Variants in PCDHA2 observed in about 807,000 individuals in gnomAD.
PCDHA2 encodes the protein protocadherin alpha 2.
Under a neutral mutation model 66.0 loss-of-function variants are expected in PCDHA2, and 58 were observed. That is an observed-to-expected ratio of 0.88 (90% CI 0.71 to 1.09). The LOEUF is 1.09. Among genes scored for constraint, PCDHA2 ranks in the 50% least tolerant of loss-of-function variants. The pLI, the probability that PCDHA2 is intolerant of heterozygous loss-of-function variation, is 0.00. For missense variants in PCDHA2, 1,267 were observed against 1,242.3 expected, an observed-to-expected ratio of 1.02 and a Z score of -0.30; for synonymous variants, 634 against 554.0, an observed-to-expected ratio of 1.14 and a Z score of -2.03.
chr5:140,950,087 T>G (rs1433717313), intron 1 of PCDHA2, among the ~76,000 whole-genome samples: 3 of 151,938 alleles, frequency 2.0e-5, no homozygotes, highest in Admixed American at 6.6e-5. Flanking sequence ...ATGCTATAGT[T>G]TTCATTTGTA....
Position 140,928,034 on chromosome 5 carries a change from G to T in PCDHA2, c.2389-50915G>T. 3 of 1,614,206 alleles carry T rather than the reference G, an allele frequency of 1.9e-6. No homozygotes were observed. Among genetic ancestry groups the T allele is most frequent in the Non-Finnish European group, 2.5e-6 (3 of 1,180,036 alleles). Reference sequence around the variant, plus strand: ...GGTAGGGTCATTTGTGGCATGTCTAGTGCAGGCCCTTTTCAGCTGACGGCT... The same window carrying T: ...GGTAGGGTCATTTGTGGCATGTCTATTGCAGGCCCTTTTCAGCTGACGGCT... On this transcript the variant is annotated intron_variant, in intron 1 of 3. Transcript: ENST00000526136.
rs192376340 is a variant in PCDHA2 at position 140,857,538 on chromosome 5, G to A, written c.2388+60186G>A. The A allele has an allele frequency of 8.8e-6, 14 of 1,597,348 alleles. No individual in the cohort carries two copies. In the East Asian group the frequency reaches 3.1e-4, roughly 36 times the overall value. On this transcript the variant is annotated intron_variant, in intron 1 of 3. Transcript: ENST00000526136. ...GTGTCCTACTCTCTGGTGGAGCGGC[G>A]GTTGGGCGAGCGCTCGCTGTCGAGC... is the stretch of plus-strand genomic sequence containing the variant.
intron 1 of PCDHA2, chr5:140,805,617 G>A: frequency 1.1e-6 from 1 of 920,386 alleles, no homozygotes; most frequent in Non-Finnish European, 1.3e-6. Flanking sequence ...CTTTATGTAA[G>A]AAAATGTATT....
intron 3 of PCDHA2, among the ~76,000 whole-genome samples, chr5:140,988,057 C>T (rs557714672): frequency 6.6e-6 from 1 of 152,188 alleles, no homozygotes; most frequent in Non-Finnish European, 1.5e-5. Context: ...GCACTGTCAA[C>T]ATGAATTTTT....
intron 1 of PCDHA2, among the ~76,000 whole-genome samples, chr5:140,923,825 G>A (rs2081532169): frequency 6.6e-6 from 1 of 152,224 alleles, no homozygotes; most frequent in East Asian, 1.9e-4. Context: ...ATAGACGTCA[G>A]TGGCAGTTTA....
intron 1 of PCDHA2, chr5:140,926,553 A>T: frequency 4.3e-6 from 1 of 233,838 alleles, no homozygotes; most frequent in East Asian, 9.1e-5. Context: ...TCGAGACCCC[A>T]GCCCGCTGCT....
intron 1 of PCDHA2, among the ~76,000 whole-genome samples, chr5:140,950,804 A>G (rs1360919239): frequency 6.6e-6 from 1 of 152,090 alleles, no homozygotes; most frequent in African/African-American, 2.4e-5. Context: ...GTCTGGTTTT[A>G]CCATAGTAGG....
At chr5:140,883,719 C>T in intron 1 of PCDHA2, 1 of 1,613,598 alleles carries the variant, frequency 6.2e-7, no homozygotes, top group Non-Finnish European at 8.5e-7. Context: ...GACGCGGACG[C>T]ACAGGAGAAC....
In PCDHA2 at chr5:140,858,202, A is replaced by C. The variant is rs782325182; in HGVS notation, c.2388+60850A>C. On this transcript the variant is annotated intron_variant, in intron 1 of 3. Transcript: ENST00000526136. The stretch of plus-strand genomic sequence containing the variant: ...TGCTCACGCTGCTGCTGTACACTGC[A>C]CTGAGGTGCTCGGCGGCGCCCACCG... The C allele has an allele frequency of 1.9e-6, 3 of 1,596,904 alleles. No homozygotes were observed. In the East Asian group the frequency reaches 6.7e-5, roughly 36 times the overall value.
chr5:140,812,090 T>C (rs1554125900), intron 1 of PCDHA2: 1 of 152,076 alleles, frequency 6.6e-6, no homozygotes, highest in Non-Finnish European at 1.5e-5. Context: ...CAATTATCAT[T>C]GATTCTTCTT....
In PCDHA2 at chr5:140,856,743, T is replaced by C. The variant is rs17844341; in HGVS notation, c.2388+59391T>C. On this transcript the variant is annotated intron_variant, in intron 1 of 3. Transcript: ENST00000526136. Reference sequence around the variant, plus strand: ...TCTGTTTCTCTGCTGATCCTGGTGTTAGATGCCAATGATAACGCCCCTATC... The same window carrying C: ...TCTGTTTCTCTGCTGATCCTGGTGTCAGATGCCAATGATAACGCCCCTATC... 190 of 1,596,776 alleles carry C rather than the reference T, an allele frequency of 1.2e-4. 4 individuals are homozygous for C. In the East Asian group the frequency reaches 4.1e-3, roughly 35 times the overall value.
Position 140,851,965 on chromosome 5 carries a change from A to G in PCDHA2, c.2388+54613A>G, listed in dbSNP as rs564952826. On this transcript the variant is annotated intron_variant, in intron 1 of 3. Transcript: ENST00000526136. Reference sequence around the variant, plus strand: ...GTGACTTTCAAAATGGTGGTTTTCCACACTCTACCTTTAGTGCAAGCTATT... The same window carrying G: ...GTGACTTTCAAAATGGTGGTTTTCCGCACTCTACCTTTAGTGCAAGCTATT... 95 of 976,702 alleles carry G rather than the reference A, an allele frequency of 9.7e-5. 6 individuals are homozygous for G. The highest frequency in any genetic ancestry group is 1.2e-4 in the Non-Finnish European group (95 of 809,234). 60.5% of individuals were successfully genotyped at this position (976,702 alleles called of 1,614,324 possible).
chr5:140,909,690 G>T (rs2074638063), intron 1 of PCDHA2, among the ~76,000 whole-genome samples: 1 of 152,280 alleles, frequency 6.6e-6, no homozygotes, highest in African/African-American at 2.4e-5. Context: ...CAATGTGGGG[G>T]TTCTGCTAGC....
intron 1 of PCDHA2, chr5:140,841,240 A>C: frequency 6.7e-7 from 1 of 1,487,570 alleles, no homozygotes; most frequent in South Asian, 1.4e-5. Flanking sequence ...GATGCAGCGG[A>C]ATTGGATTAA....
chr5:140,850,089 C>G (rs2150466506), intron 1 of PCDHA2: 1 of 1,596,512 alleles, frequency 6.3e-7, no homozygotes, highest in Non-Finnish European at 8.6e-7. Flanking sequence ...GGAGCTGCTA[C>G]AGTTCCAGGT....
At chr5:140,953,530 C>T (rs923959885) in intron 1 of PCDHA2, among the ~76,000 whole-genome samples, 3 of 152,158 alleles carry the variant, frequency 2.0e-5, no homozygotes, top group Admixed American at 6.5e-5. Context: ...ACGGGAAACT[C>T]ACTTCATGCT....
intron 1 of PCDHA2, chr5:140,849,563 G>A: frequency 1.9e-6 from 3 of 1,598,488 alleles, no homozygotes; most frequent in Non-Finnish European, 2.6e-6. Flanking sequence ...AAACGCTCTC[G>A]GTTCCTGTAA....
At chr5:140,917,337 G>GA (rs1240219857) in intron 1 of PCDHA2, among the ~76,000 whole-genome samples, 3 of 142,560 alleles carry the variant, frequency 2.1e-5, no homozygotes, top group Non-Finnish European at 4.7e-5. Context: ...GGGAGGGGGG[G>GA]GATGGTGTAG....
intron 1 of PCDHA2, among the ~76,000 whole-genome samples, chr5:140,941,795 T>G (rs1175900170): frequency 5.9e-5 from 9 of 152,226 alleles, no homozygotes; most frequent in Admixed American, 2.6e-4. Flanking sequence ...CCAAGAATAT[T>G]TAGTTGATTT....
Sources: gnomAD v4.1 joint callset for allele counts (sites outside exome capture counted in the v4.1 genomes callset) on GRCh38, gnomAD v4.1.1 for gene constraint, MANE v1.5 for transcripts, NCBI Gene and HGNC (gene_info 2026-07-23, HGNC 2026-07-21) for gene names.